Variants in NOS1AP observed in about 807,000 individuals in gnomAD.
NOS1AP encodes the protein carboxyl-terminal PDZ ligand of neuronal nitric oxide synthase protein.
A neutral mutation model predicts 56.2 loss-of-function variants in NOS1AP; 21 were observed. The observed-to-expected ratio is 0.37, with a 90% CI of 0.26 to 0.54. The LOEUF (loss-of-function observed/expected upper bound fraction) is 0.54. Among genes scored for constraint, NOS1AP ranks in the 20% least tolerant of loss-of-function variants. The pLI, the probability that NOS1AP is intolerant of heterozygous loss-of-function variation, is 0.84. For missense variants in NOS1AP, 522 were observed against 657.8 expected (o/e 0.79, Z 2.26); for synonymous variants, 270 against 274.6 (o/e 0.98, Z 0.17).
rs181937482 is a variant in NOS1AP, at chr1:162,324,829, A to C, written c.345-8188A>C. Among the ~76,000 whole-genome samples, 25 of 152,346 alleles carry C rather than the reference A, an allele frequency of 1.6e-4. No homozygotes were observed. The South Asian group carries it at 2.1e-3, about 13-fold the overall frequency. On this transcript the variant is annotated intron_variant, in intron 4 of 9. Transcript: ENST00000361897. ...TTTGCATTTCTCTGCCTGCAGTTGA[A>C]GTGATGAGCTTGACTGTCTCTCGAG...
At chr1:162,341,226 T>C (rs1657096923) in intron 5 of NOS1AP, among the ~76,000 whole-genome samples, 1 of 152,214 alleles carries the variant, frequency 6.6e-6, no homozygotes, top group Non-Finnish European at 1.5e-5. Context: ...GTATCTGTGA[T>C]TTACAGAGAT....
intron 1 of NOS1AP, among the ~76,000 whole-genome samples, chr1:162,098,944 T>C (rs906469208): frequency 2.6e-5 from 4 of 152,226 alleles, no homozygotes; most frequent in Non-Finnish European, 4.4e-5. Flanking sequence ...TCCATGTCTT[T>C]GCTACTGTGA....
chr1:162,250,198 C>T (rs566180167), intron 2 of NOS1AP, among the ~76,000 whole-genome samples: 44 of 152,240 alleles, frequency 2.9e-4, no homozygotes, highest in African/African-American at 8.2e-4. Flanking sequence ...CCCATTTTCC[C>T]GAGGGGACAG....
intron 1 of NOS1AP, among the ~76,000 whole-genome samples, chr1:162,153,222 G>T (rs1649791373): frequency 6.6e-6 from 1 of 152,178 alleles, no homozygotes; most frequent in Admixed American, 6.5e-5. Context: ...TCCGCCTCCT[G>T]GGTTCAAGCA....
intron 2 of NOS1AP, among the ~76,000 whole-genome samples, chr1:162,191,783 C>A (rs1353064174): frequency 6.6e-6 from 1 of 152,094 alleles, no homozygotes; most frequent in Non-Finnish European, 1.5e-5. Flanking sequence ...AGAAAGTTGG[C>A]CCATTAATTT....
chr1:162,238,499 T>C (rs1256149937), intron 2 of NOS1AP, among the ~76,000 whole-genome samples: 1 of 152,240 alleles, frequency 6.6e-6, no homozygotes, highest in Non-Finnish European at 1.5e-5. Flanking sequence ...TGTTGTCTTA[T>C]GTGCCACCAT....
At chr1:162,356,917 G>T (rs781055581) in intron 7 of NOS1AP, 43 bp from the exon 8 acceptor site, 16 of 1,613,250 alleles carry the variant, frequency 9.9e-6, no homozygotes, top group Non-Finnish European at 1.4e-5. Flanking sequence ...CCTCAAGATG[G>T]CTCCTGCCAC....
At chr1:162,293,488 G>A (rs867759651) in intron 3 of NOS1AP, among the ~76,000 whole-genome samples, 1 of 152,158 alleles carries the variant, frequency 6.6e-6, no homozygotes, top group Non-Finnish European at 1.5e-5. Context: ...ACGGTTCCAG[G>A]AAGACCTACC....
At chr1:162,154,374 C>G (rs537474173) in intron 1 of NOS1AP, 31 bp from the exon 2 acceptor site, 1 of 1,609,000 alleles carries the variant, frequency 6.2e-7, no homozygotes, top group Middle Eastern at 1.7e-4. Context: ...GCTACCCCTC[C>G]TCTCAATGAG....
At chr1:162,337,687 T>C (rs900136072) in intron 5 of NOS1AP, among the ~76,000 whole-genome samples, 2 of 152,236 alleles carry the variant, frequency 1.3e-5, no homozygotes, top group Non-Finnish European at 1.5e-5. Context: ...TTTCATGGAC[T>C]AGCAGAGTAG....
chr1:162,294,571 T>C (rs192975269), intron 3 of NOS1AP, among the ~76,000 whole-genome samples: 4 of 152,300 alleles, frequency 2.6e-5, no homozygotes, highest in Admixed American at 2.0e-4. Context: ...AGTTGAGCCT[T>C]CCTTCAAGTT....
At chr1:162,187,298 T>A (rs923176801) in intron 2 of NOS1AP, among the ~76,000 whole-genome samples, 5 of 152,208 alleles carry the variant, frequency 3.3e-5, no homozygotes, top group African/African-American at 1.2e-4. Flanking sequence ...TCTTCTTTAT[T>A]CACTTAATAG....
intron 1 of NOS1AP, among the ~76,000 whole-genome samples, chr1:162,113,352 G>T (rs760038486): frequency 9.9e-5 from 15 of 152,186 alleles, no homozygotes; most frequent in Non-Finnish European, 1.8e-4. Flanking sequence ...TGGCGGCCCA[G>T]TGGGGTCCTG....
intron 1 of NOS1AP, among the ~76,000 whole-genome samples, chr1:162,129,721 A>G (rs1648663538): frequency 6.6e-6 from 1 of 152,188 alleles, no homozygotes. Flanking sequence ...ATGTATTGAA[A>G]AAACTGAATC....
intron 1 of NOS1AP, among the ~76,000 whole-genome samples, chr1:162,088,674 T>C (rs1692058188): frequency 6.6e-6 from 1 of 152,066 alleles, no homozygotes; most frequent in Non-Finnish European, 1.5e-5. Flanking sequence ...TTGGGAATGT[T>C]TAATGGCAGC....
chr1:162,082,723 C>T (rs570041569), intron 1 of NOS1AP, among the ~76,000 whole-genome samples: 4 of 152,104 alleles, frequency 2.6e-5, no homozygotes, highest in African/African-American at 9.6e-5. Flanking sequence ...TGTTTATTGG[C>T]CCACCTCTAT....
At chr1:162,231,349 GT>G (rs1189002369) in intron 2 of NOS1AP, among the ~76,000 whole-genome samples, 2 of 152,064 alleles carry the variant, frequency 1.3e-5, no homozygotes, top group African/African-American at 4.8e-5. Context: ...CTTTTGTGTT[GT>G]TGAGCTGTAC....
chr1:162,302,862 G>A (rs1655709572), intron 4 of NOS1AP, among the ~76,000 whole-genome samples: 1 of 152,048 alleles, frequency 6.6e-6, no homozygotes, highest in African/African-American at 2.4e-5. Context: ...TCTCCTTTCT[G>A]TTATTGATGA....
intron 2 of NOS1AP, among the ~76,000 whole-genome samples, chr1:162,217,564 CTTG>C (rs1361495182): frequency 1.3e-5 from 2 of 152,056 alleles, no homozygotes; most frequent in African/African-American, 2.4e-5. Flanking sequence ...TGTGCCTGGC[CTTG>C]TTGTTGGCTT....
Sources: gnomAD v4.1 joint callset for allele counts (sites outside exome capture counted in the v4.1 genomes callset) on GRCh38, gnomAD v4.1.1 for gene constraint, MANE v1.5 for transcripts, NCBI Gene and HGNC (gene_info 2026-07-23, HGNC 2026-07-21) for gene names.